Variants in KAT6A observed in about 807,000 individuals in gnomAD.
KAT6A encodes lysine acetyltransferase 6A.
In KAT6A, 9 loss-of-function variants were observed where a neutral mutation model predicts 198.4. The ratio of observed to expected loss-of-function variants is 0.05; its 90% CI spans 0.03 to 0.08. The LOEUF is 0.08. KAT6A is among the 10% of genes least tolerant of loss of function. The probability of loss-of-function intolerance (pLI) is 1.00; values close to 1 mark genes in which losing one functional copy is unlikely to be tolerated. For missense variants in KAT6A, 2,077 were observed against 2,509.9 expected, an observed-to-expected ratio of 0.83 and a Z score of 3.69; for synonymous variants, 890 against 883.0, an observed-to-expected ratio of 1.01 and a Z score of -0.14.
chr8:41,948,996 TTAAA>T (rs1240996097), intron 10 of KAT6A, among the ~76,000 whole-genome samples: 1 of 152,222 alleles, frequency 6.6e-6, no homozygotes, highest in African/African-American at 2.4e-5. Flanking sequence ...ATCCTTTCAT[TTAAA>T]TGCCATATTT....
intron 2 of KAT6A, among the ~76,000 whole-genome samples, chr8:42,003,754 G>A (rs1256326444): frequency 3.9e-5 from 6 of 152,070 alleles, no homozygotes; most frequent in African/African-American, 7.2e-5. Context: ...TTTAACAGAG[G>A]TAATTGAGGT....
chr8:41,947,167 T>TTC (rs1486097198), intron 11 of KAT6A, among the ~76,000 whole-genome samples: 1 of 152,238 alleles, frequency 6.6e-6, no homozygotes, highest in Admixed American at 6.5e-5. Context: ...AGTGAATATA[T>TTC]TTTAAGTCAC....
chr8:41,981,818 T>G (rs1276645267), intron 4 of KAT6A, 21 bp downstream of exon 4: 1 of 1,435,692 alleles, frequency 7.0e-7, no homozygotes, highest in South Asian at 1.2e-5. Context: ...AACACCCATA[T>G]TAGAAGGCAG....
chr8:42,035,620 A>ATT (rs1168851405), intron 2 of KAT6A, among the ~76,000 whole-genome samples: 2 of 152,216 alleles, frequency 1.3e-5, no homozygotes, highest in Admixed American at 6.5e-5. Flanking sequence ...ACATCTAAGA[A>ATT]TTATCCCAGA....
At chr8:41,935,867 T>C (rs1821824640) in intron 16 of KAT6A, among the ~76,000 whole-genome samples, 1 of 152,258 alleles carries the variant, frequency 6.6e-6, no homozygotes, top group Non-Finnish European at 1.5e-5. Flanking sequence ...ACAAAATAAA[T>C]TTTTAGTTTC....
intron 2 of KAT6A, among the ~76,000 whole-genome samples, chr8:42,042,348 C>T (rs1403641721): frequency 6.6e-6 from 1 of 151,730 alleles, no homozygotes; most frequent in Non-Finnish European, 1.5e-5. Flanking sequence ...TCCCAGCTTA[C>T]TCGGGAGGCT....
intron 10 of KAT6A, among the ~76,000 whole-genome samples, chr8:41,948,332 T>G (rs901454295): frequency 6.6e-6 from 1 of 152,232 alleles, no homozygotes; most frequent in Admixed American, 6.5e-5. Flanking sequence ...GTCTAATCTA[T>G]GCCAGCTGCC....
chr8:41,994,998 G>C (rs1360053424), intron 2 of KAT6A, among the ~76,000 whole-genome samples: 1 of 150,808 alleles, frequency 6.6e-6, no homozygotes, highest in South Asian at 2.2e-4. Flanking sequence ...AGAGGTTGCA[G>C]TGAGCCAAGA....
In KAT6A at chr8:41,929,786, G is replaced by C. The variant is rs145487556; in HGVS notation, c.*2419C>G. 5.2e-6 allele frequency: 1 copy of C among 193,296 alleles called. No individual in the cohort carries two copies. The highest frequency in any genetic ancestry group is 1.1e-5 in the Non-Finnish European group (1 of 92,754). 12.0% of individuals were successfully genotyped at this position (193,296 alleles called of 1,614,324 possible). ...GGCATCTGGAGCTCTATTCACACAC[G>C]CTAGAGATCTCTTTAAAGAGAATTT... On this transcript the variant is annotated 3_prime_UTR_variant, in exon 17 of 17. Coordinates refer to ENST00000265713, the MANE Select transcript of KAT6A (RefSeq NM_006766.5).
intron 2 of KAT6A, among the ~76,000 whole-genome samples, chr8:41,997,888 G>A (rs926205378): frequency 6.6e-6 from 1 of 152,112 alleles, no homozygotes; most frequent in Non-Finnish European, 1.5e-5. Context: ...CTACTGACAA[G>A]CACTCTACTA....
In KAT6A at chr8:41,980,868, C is replaced by T. The variant is rs762975732; in HGVS notation, c.885G>A (p.Pro295=). The change falls in exon 5 of 17, where the codon CCG becomes CCA. Residue 295 remains proline (P), a synonymous_variant. Transcript: ENST00000265713. ...CACCTTTTGGCATACGGGTGAGTGG[C>T]GGATCACAACACTCCATGTGAAAAC... ...DRGFHMECCD[P]PLTRMPKGMW... is the part of the protein sequence containing the mutation. 6.2e-6 allele frequency: 10 copies of T among 1,612,334 alleles called. No homozygotes were observed. Among genetic ancestry groups the T allele is most frequent in the African/African-American group, 4.0e-5 (3 of 74,862 alleles).
At chr8:42,050,923 G>A (rs889776830) in intron 1 of KAT6A, among the ~76,000 whole-genome samples, 3 of 152,132 alleles carry the variant, frequency 2.0e-5, no homozygotes, top group Non-Finnish European at 4.4e-5. Context: ...TAGAGCGAGC[G>A]CAACTCGCTT....
At chr8:41,954,277 A>T (rs1822819366) in intron 9 of KAT6A, among the ~76,000 whole-genome samples, 1 of 152,230 alleles carries the variant, frequency 6.6e-6, no homozygotes, top group Non-Finnish European at 1.5e-5. Context: ...GCCTATTCCT[A>T]GTTTCTTGGC....
intron 2 of KAT6A, among the ~76,000 whole-genome samples, chr8:42,000,884 G>A (rs545487877): frequency 3.3e-5 from 5 of 152,302 alleles, no homozygotes; most frequent in Admixed American, 6.5e-5. Context: ...CTAGTAAAGT[G>A]ACAAAAGTGA....
At chr8:41,987,763 T>C (rs1358567772) in intron 2 of KAT6A, among the ~76,000 whole-genome samples, 200 bp from the exon 3 acceptor site, 1 of 152,222 alleles carries the variant, frequency 6.6e-6, no homozygotes, top group African/African-American at 2.4e-5. Flanking sequence ...GTTATGACCA[T>C]TTAGAAACTT....
chr8:41,936,659 T>C (rs1368730950), intron 16 of KAT6A, among the ~76,000 whole-genome samples: 2 of 152,252 alleles, frequency 1.3e-5, no homozygotes, highest in Admixed American at 6.5e-5. Flanking sequence ...TTTGTATCTA[T>C]ACTATAAAAT....
chr8:42,017,000 T>A (rs566810202), intron 2 of KAT6A, among the ~76,000 whole-genome samples: 4 of 152,144 alleles, frequency 2.6e-5, no homozygotes, highest in Non-Finnish European at 5.9e-5. Flanking sequence ...AAAGATACTC[T>A]CAACACTTGT....
chr8:41,942,051 G>A (rs1822166810), intron 14 of KAT6A: 2 of 185,744 alleles, frequency 1.1e-5, no homozygotes, highest in African/African-American at 4.7e-5. Flanking sequence ...GAGAGGCATG[G>A]GATTTTTTAT....
At chr8:42,017,492 G>A (rs1247491700) in intron 2 of KAT6A, among the ~76,000 whole-genome samples, 6 of 152,104 alleles carry the variant, frequency 3.9e-5, no homozygotes, top group Non-Finnish European at 8.8e-5. Context: ...AGGTAGTAGT[G>A]GGTAAGTCAA....
Sources: allele counts gnomAD v4.1 joint callset (sites outside exome capture counted in the v4.1 genomes callset), GRCh38; gene constraint gnomAD v4.1.1; transcripts MANE v1.5; gene names NCBI Gene and HGNC (gene_info 2026-07-23, HGNC 2026-07-21).